Variants in FBXO31 observed in about 807,000 individuals in gnomAD.
FBXO31 encodes F-box protein 31.
Under a neutral mutation model 54.4 loss-of-function variants are expected in FBXO31, and 24 were observed. That is an observed-to-expected ratio of 0.44 (90% CI 0.32 to 0.62). The LOEUF is 0.62. Ranked by LOEUF, FBXO31 falls within the 20% of genes least tolerant of loss-of-function variation. The pLI is 0.05. For missense variants in FBXO31, 665 were observed against 787.1 expected, an observed-to-expected ratio of 0.84 and a Z score of 1.86; for synonymous variants, 388 against 335.6, an observed-to-expected ratio of 1.16 and a Z score of -1.71.
chr16:87,358,516 G>A lies in FBXO31; in HGVS notation c.412+1779C>T, dbSNP rs1905996814. The stretch of plus-strand genomic sequence containing the variant: ...TTTATACCTGAACAGACACAGCAGG[G>A]AAAGGGCTAAGGATGGCTCCCTTTA... On this transcript the variant is annotated intron_variant, in intron 2 of 8. Coordinates refer to ENST00000311635, the MANE Select transcript of FBXO31 (RefSeq NM_024735.5). This position sits in a 1 kb window ranked among gnomAD's most constrained non-coding sequence, Gnocchi z 4.0. 1 of 152,702 alleles carries A rather than the reference G, an allele frequency of 6.5e-6. No homozygotes were observed. The highest frequency in any genetic ancestry group is 6.5e-5 in the Admixed American group (1 of 15,286). 9.5% of individuals were successfully genotyped at this position (152,702 alleles called of 1,614,324 possible). A position where few individuals can be genotyped will look rare whatever the true frequency, so the allele number is the denominator to read the frequency against.
In FBXO31 at chr16:87,349,169, A is replaced by T. The variant is rs1905529523; in HGVS notation, c.413-1919T>A. Reference sequence around the variant, plus strand: ...AACTCAAATCCACAGGTTTTAAAAAATAATTTAACAAAATGATTCCAAAGT... The same window carrying T: ...AACTCAAATCCACAGGTTTTAAAAATTAATTTAACAAAATGATTCCAAAGT... On this transcript the variant is annotated intron_variant, in intron 2 of 8. Coordinates refer to ENST00000311635, the MANE Select transcript of FBXO31 (RefSeq NM_024735.5). Among the ~76,000 whole-genome samples, 11 of 152,258 alleles carry T rather than the reference A, an allele frequency of 7.2e-5. No individual in the cohort carries two copies. The South Asian group carries it at 2.3e-3, about 31-fold the overall frequency.
At chr16:87,347,306 G>C (rs1905433906) in intron 2 of FBXO31, 56 bp from the exon 3 acceptor site, 1 of 1,493,636 alleles carries the variant, frequency 6.7e-7, no homozygotes, top group African/African-American at 1.4e-5. Flanking sequence ...GCCGCAGGGA[G>C]CCCAGGAACC....
intron 2 of FBXO31, among the ~76,000 whole-genome samples, chr16:87,355,305 A>G (rs1013780446): frequency 3.3e-5 from 5 of 152,226 alleles, no homozygotes; most frequent in African/African-American, 4.8e-5. Flanking sequence ...CACGGCCCCA[A>G]AATACTCAGA....
chr16:87,343,900 T>G, intron 3 of FBXO31, 135 bp from the exon 4 acceptor site: 1 of 820,892 alleles, frequency 1.2e-6, no homozygotes, highest in Non-Finnish European at 1.9e-6. Flanking sequence ...ACGCCCACCC[T>G]CGAGGTGCCT....
intron 1 of FBXO31, among the ~76,000 whole-genome samples, chr16:87,364,467 T>G (rs1353620013): frequency 6.6e-6 from 1 of 152,192 alleles, no homozygotes; most frequent in African/African-American, 2.4e-5. Context: ...GCGCCGACTC[T>G]TCTCCATTCC....
chr16:87,359,831 G>A (rs762257695), intron 2 of FBXO31, among the ~76,000 whole-genome samples: 4 of 152,200 alleles, frequency 2.6e-5, no homozygotes, highest in Non-Finnish European at 5.9e-5. Flanking sequence ...AACATGAAAC[G>A]GGGCTGGGGG....
rs1904757914 is a variant in FBXO31, at chr16:87,329,307, A to G, written c.*1981T>C. The G allele has an allele frequency of 6.6e-6, 1 of 152,260 alleles. No homozygotes were observed. Among genetic ancestry groups the G allele is most frequent in the South Asian group, 2.1e-4 (1 of 4,832 alleles). The allele number at this position is 152,260 out of a possible 1,614,324, so 9.4% of individuals were successfully genotyped here. A position where few individuals can be genotyped will look rare whatever the true frequency, so the allele number is the denominator to read the frequency against. On this transcript the variant is annotated 3_prime_UTR_variant, in exon 9 of 9. Transcript: ENST00000311635. The stretch of plus-strand genomic sequence containing the variant: ...GGCTGAGACATGATGGGTGGAAGCT[A>G]TTTCTATACCCAAACACTGGAAGCG...
rs1905336134 is a variant in FBXO31, at chr16:87,345,286, T to C, written c.490-1521A>G. Among the ~76,000 whole-genome samples the C allele has an allele frequency of 6.9e-6, 1 of 144,486 alleles. No individual in the cohort carries two copies. The highest frequency in any genetic ancestry group is 2.2e-4 in the South Asian group (1 of 4,474). The allele number at this position is 144,486 out of a possible 152,430, so 94.8% of individuals were successfully genotyped here. A position where few individuals can be genotyped will look rare whatever the true frequency, so the allele number is the denominator to read the frequency against. ...GCTCAACAAAGTCAGGGCGGGGCTTTCCGGAAAGTTCAAGAGGCTCCAGCA... is the reference window on the plus strand; with the variant it reads ...GCTCAACAAAGTCAGGGCGGGGCTTCCCGGAAAGTTCAAGAGGCTCCAGCA... On this transcript the variant is annotated intron_variant, in intron 3 of 8. Transcript: ENST00000311635. The surrounding 1 kb of genome is among the most constrained non-coding windows in gnomAD (Gnocchi z 4.9).
chr16:87,352,538 C>T (rs948154779), intron 2 of FBXO31, among the ~76,000 whole-genome samples: 21 of 152,150 alleles, frequency 1.4e-4, no homozygotes, highest in Non-Finnish European at 2.9e-4. Context: ...GAGTATCACC[C>T]GAATCCCACA....
intron 1 of FBXO31, among the ~76,000 whole-genome samples, chr16:87,371,197 G>T (rs773148136): frequency 6.6e-6 from 1 of 152,196 alleles, no homozygotes; most frequent in Admixed American, 6.5e-5. Context: ...AAACAATGAG[G>T]TGACCACTGA....
rs143493203 is a variant in FBXO31 at position 87,361,947 on chromosome 16, C to T, written c.341-1581G>A. On this transcript the variant is annotated intron_variant, in intron 1 of 8. Transcript: ENST00000311635. ...GTTGTGGTCTACGGGTCCCCCTTAG[C>T]GGGAGGACCTGGGAAACTACATCCT... Among the ~76,000 whole-genome samples, 61 of 152,330 alleles carry T rather than the reference C, an allele frequency of 4.0e-4. 1 individual carries two copies. In the Middle Eastern group the frequency reaches 0.01, roughly 25 times the overall value.
chr16:87,333,792 A>G, intron 8 of FBXO31, 94 bp downstream of exon 8: 1 of 1,498,014 alleles, frequency 6.7e-7, no homozygotes, highest in Admixed American at 2.3e-5. Context: ...GTGAGGTCAC[A>G]GGCCCTCTCC....
At position 87,335,750 on chromosome 16, in the gene FBXO31, A is replaced by C. The variant is rs1264206541; in HGVS notation, c.843-293T>G. 2.0e-5 allele frequency among the ~76,000 whole-genome samples: 3 copies of C among 152,138 alleles called. No individual in the cohort carries two copies. The highest frequency in any genetic ancestry group is 6.5e-5 in the Admixed American group (1 of 15,288). On this transcript the variant is annotated intron_variant, in intron 6 of 8. Coordinates refer to ENST00000311635, the MANE Select transcript of FBXO31 (RefSeq NM_024735.5). This position sits in a 1 kb window ranked among gnomAD's most constrained non-coding sequence, Gnocchi z 5.7. ...GAAGTGCCAGTTTGCTCCATTACCCAGGAGAAAGGAGCCCAAGTCACCATG... is the reference window on the plus strand; with the variant it reads ...GAAGTGCCAGTTTGCTCCATTACCCCGGAGAAAGGAGCCCAAGTCACCATG...
intron 1 of FBXO31, 96 bp from the exon 2 acceptor site, chr16:87,360,462 C>A: frequency 1.0e-6 from 1 of 982,504 alleles, no homozygotes; most frequent in Non-Finnish European, 1.6e-6. Context: ...AGGTGCACAC[C>A]TAGCCTCAGC....
At chr16:87,383,803 C>G (rs962939546), upstream of FBXO31, 16 of 1,128,532 alleles carry the variant, frequency 1.4e-5, no homozygotes, top group Non-Finnish European at 1.6e-5. This position sits in a 1 kb window ranked among gnomAD's most constrained non-coding sequence, Gnocchi z 4.9. Flanking sequence ...GGCCCCGCCC[C>G]GCCAGCGCCG....
At chr16:87,391,107 T>C (rs368703504), upstream of FBXO31, among the ~76,000 whole-genome samples, 1 of 152,012 alleles carries the variant, frequency 6.6e-6, no homozygotes, top group Non-Finnish European at 1.5e-5. Context: ...TCCCAACTCT[T>C]AAGGAGGCCG....
chr16:87,364,843 G>A (rs562062812), intron 1 of FBXO31, among the ~76,000 whole-genome samples: 3 of 150,772 alleles, frequency 2.0e-5, no homozygotes, highest in Admixed American at 6.6e-5. Context: ...GCAACATGGC[G>A]AGAGCCCATC....
intron 2 of FBXO31, among the ~76,000 whole-genome samples, chr16:87,354,923 C>T (rs571885277): frequency 1.1e-4 from 16 of 152,252 alleles, no homozygotes; most frequent in Non-Finnish European, 1.6e-4. Flanking sequence ...GCCAAGATCG[C>T]GCCACTGCAC....
intron 1 of FBXO31, among the ~76,000 whole-genome samples, chr16:87,374,709 T>C (rs929195498): frequency 6.6e-6 from 1 of 152,226 alleles, no homozygotes; most frequent in Admixed American, 6.5e-5. Flanking sequence ...AACTGGGCAC[T>C]GCAGGGACCA....
Sources: allele counts gnomAD v4.1 joint callset (sites outside exome capture counted in the v4.1 genomes callset), GRCh38; gene constraint gnomAD v4.1.1; non-coding constraint Gnocchi (gnomAD v3.1); transcripts MANE v1.5; gene names NCBI Gene and HGNC (gene_info 2026-07-23, HGNC 2026-07-21).